NXPE4: variants seen among roughly 807,000 people sequenced by gnomAD.
NXPE4 encodes the protein NXPE family member 4.
Under a neutral mutation model 33.3 loss-of-function variants are expected in NXPE4, and 42 were observed. The ratio of observed to expected loss-of-function variants is 1.26; its 90% CI spans 0.98 to 1.63. The LOEUF is 1.63. Among genes scored for constraint, NXPE4 ranks in the 40% most tolerant of loss-of-function variants. The pLI, the probability that NXPE4 is intolerant of heterozygous loss-of-function variation, is 0.00. For missense variants in NXPE4, 709 were observed against 647.6 expected, an observed-to-expected ratio of 1.09 and a Z score of -1.03; for synonymous variants, 253 against 234.9, an observed-to-expected ratio of 1.08 and a Z score of -0.71.
At chr11:114,590,796 C>G (rs1045385269) in intron 2 of NXPE4, among the ~76,000 whole-genome samples, 1 of 152,180 alleles carries the variant, frequency 6.6e-6, no homozygotes, top group Non-Finnish European at 1.5e-5. Context: ...TGGAGGTCAT[C>G]AAATTAACCC....
intron 2 of NXPE4, among the ~76,000 whole-genome samples, chr11:114,585,506 A>C (rs1949271287): frequency 6.6e-6 from 1 of 152,114 alleles, no homozygotes; most frequent in South Asian, 2.1e-4. Context: ...AATTGGATTT[A>C]AGTCAAAAAC....
the NXPE4 span, among the ~76,000 whole-genome samples, chr11:114,639,304 C>T: frequency 2.0e-5 from 3 of 151,404 alleles, no homozygotes; most frequent in Non-Finnish European, 4.4e-5. Context: ...GTGCACCGTT[C>T]CTTAAGCCCG....
At chr11:114,620,367 A>G in the NXPE4 span, among the ~76,000 whole-genome samples, 1 of 151,616 alleles carries the variant, frequency 6.6e-6, no homozygotes, top group Non-Finnish European at 1.5e-5. Context: ...CCGGTGGAAA[A>G]TAAGTGTTGC....
chr11:114,609,919 C>T, the NXPE4 span, among the ~76,000 whole-genome samples: 337 of 151,236 alleles, frequency 2.2e-3, 2 homozygotes, highest in African/African-American at 6.6e-3. Context: ...TACCATTAAC[C>T]GGTGGATAAT....
Position 114,580,296 on chromosome 11 carries a change from G to A in NXPE4, c.935C>T (p.Thr312Ile), listed in dbSNP as rs1949108094. Residue 312 changes from threonine to isoleucine, a missense_variant, in exon 5 of 6, where the codon ACA becomes ATA. Coordinates refer to ENST00000375478, the MANE Select transcript of NXPE4 (RefSeq NM_001077639.2). ...AMKEKCKFGMTSTIPSGHVWR... is the reference protein window; with the variant it reads ...AMKEKCKFGMISTIPSGHVWR... ...GACATGCCCACTGGGGATTGTGGAT[G>A]TCATTCCAAACTTGCATTTCTCTTT... is the stretch of plus-strand genomic sequence containing the variant. 6 of 1,614,062 alleles carry A rather than the reference G, an allele frequency of 3.7e-6. No individual in the cohort carries two copies. Among genetic ancestry groups the A allele is most frequent in the Non-Finnish European group, 5.1e-6 (6 of 1,179,942 alleles).
chr11:114,645,125 A>G, the NXPE4 span, among the ~76,000 whole-genome samples: 1 of 152,028 alleles, frequency 6.6e-6, no homozygotes, highest in Non-Finnish European at 1.5e-5. Context: ...AACATGGTGA[A>G]ACCCCATCTT....
Position 114,580,393 on chromosome 11 carries a change from A to G in NXPE4, c.893-55T>C. ...CCAAAACATCAAATTACCCGTCAGT[A>G]TGTATTAAGAGCCTTCTATCCTCTA... On this transcript the variant is annotated intron_variant, in intron 4 of 5. Transcript: ENST00000375478. The G allele has an allele frequency of 3.4e-6, 5 of 1,489,486 alleles. No individual in the cohort carries two copies. The Admixed American group carries it at 6.7e-5, about 20-fold the overall frequency. 92.3% of individuals were successfully genotyped at this position (1,489,486 alleles called of 1,614,324 possible). A position where few individuals can be genotyped will look rare whatever the true frequency, so the allele number is the denominator to read the frequency against.
chr11:114,633,659 C>A, the NXPE4 span, among the ~76,000 whole-genome samples: 2 of 151,124 alleles, frequency 1.3e-5, no homozygotes, highest in Non-Finnish European at 2.9e-5. Flanking sequence ...GTTCCCCTTC[C>A]TGTGTCCATG....
chr11:114,604,012 C>A, the NXPE4 span, among the ~76,000 whole-genome samples: 2 of 151,796 alleles, frequency 1.3e-5, no homozygotes, highest in African/African-American at 4.8e-5. Context: ...TAGGTAACTA[C>A]CATTACGTGG....
the NXPE4 span, among the ~76,000 whole-genome samples, chr11:114,664,859 T>C: frequency 6.6e-6 from 1 of 152,168 alleles, no homozygotes; most frequent in Non-Finnish European, 1.5e-5. Flanking sequence ...ACCAATACTC[T>C]ACAGTGTACT....
the NXPE4 span, among the ~76,000 whole-genome samples, chr11:114,615,401 C>G: frequency 2.6e-5 from 4 of 151,528 alleles, no homozygotes; most frequent in Non-Finnish European, 5.9e-5. Context: ...GCCTCGGTAA[C>G]CACAGTTACC....
chr11:114,659,460 A>G, the NXPE4 span, among the ~76,000 whole-genome samples: 2 of 145,706 alleles, frequency 1.4e-5, no homozygotes, highest in African/African-American at 5.3e-5. Flanking sequence ...AAGAGTGAAG[A>G]AAAAAAAAAC....
the NXPE4 span, among the ~76,000 whole-genome samples, chr11:114,606,554 G>A: frequency 6.6e-5 from 10 of 151,900 alleles, no homozygotes; most frequent in East Asian, 7.7e-4. Flanking sequence ...TTGCCTCATG[G>A]GGAACCACTG....
At chr11:114,596,283 C>A (rs1057411548), upstream of NXPE4, among the ~76,000 whole-genome samples, 13 of 152,178 alleles carry the variant, frequency 8.5e-5, no homozygotes, top group African/African-American at 3.1e-4. Context: ...GGGTTTGAAT[C>A]CATCTGGGAT....
the NXPE4 span, among the ~76,000 whole-genome samples, chr11:114,633,067 GT>G: frequency 9.3e-6 from 1 of 107,724 alleles, no homozygotes; most frequent in South Asian, 2.7e-4. Context: ...TTTATATTTT[GT>G]TTTTTATAAT....
At chr11:114,591,267 C>G (rs1463843632) in intron 2 of NXPE4, among the ~76,000 whole-genome samples, 1 of 152,220 alleles carries the variant, frequency 6.6e-6, no homozygotes, top group Non-Finnish European at 1.5e-5. Context: ...CTAACATTTA[C>G]ATTGACTCCA....
the NXPE4 span, among the ~76,000 whole-genome samples, chr11:114,644,241 T>G: frequency 6.6e-6 from 1 of 152,160 alleles, no homozygotes. Flanking sequence ...TTCGAATACC[T>G]TTATTTCTTT....
At chr11:114,632,349 T>A in the NXPE4 span, among the ~76,000 whole-genome samples, 1 of 134,242 alleles carries the variant, frequency 7.4e-6, no homozygotes. Context: ...GAATATATAA[T>A]ATATAAATAT....
At chr11:114,613,912 T>C in the NXPE4 span, among the ~76,000 whole-genome samples, 4 of 152,130 alleles carry the variant, frequency 2.6e-5, no homozygotes, top group African/African-American at 9.6e-5. Context: ...GGGTAACCAC[T>C]GTTACCCAGT....
Sources: gnomAD v4.1 joint callset for allele counts (sites outside exome capture counted in the v4.1 genomes callset) on GRCh38, gnomAD v4.1.1 for gene constraint, MANE v1.5 for transcripts, NCBI Gene and HGNC (gene_info 2026-07-23, HGNC 2026-07-21) for gene names.